Variants in PRKN observed in about 807,000 individuals in gnomAD.
PRKN encodes the protein parkin RBR E3 ubiquitin protein ligase.
In PRKN, 56 loss-of-function variants were observed where a neutral mutation model predicts 59.5. The ratio of observed to expected loss-of-function variants is 0.94; its 90% confidence interval spans 0.76 to 1.18. PRKN has a LOEUF of 1.18. PRKN is among the 50% of genes most tolerant of loss of function. PRKN has a pLI of 0.00. For missense variants in PRKN, 657 were observed against 596.4 expected (o/e 1.10, Z -1.06); for synonymous variants, 250 against 222.1 (o/e 1.13, Z -1.12).
At chr6:162,411,855 T>C (rs1052653551) in intron 2 of PRKN, among the ~76,000 whole-genome samples, 3 of 152,154 alleles carry the variant, frequency 2.0e-5, no homozygotes, top group Non-Finnish European at 4.4e-5. Context: ...TTTAAATTAC[T>C]TTAAAAACAC....
intron 7 of PRKN, among the ~76,000 whole-genome samples, chr6:161,670,959 C>T (rs924022848): frequency 9.2e-5 from 14 of 152,132 alleles, no homozygotes; most frequent in African/African-American, 3.4e-4. Context: ...TGGGGATTAG[C>T]ACTTCAACAT....
chr6:161,374,588 C>T (rs374180889), intron 10 of PRKN, among the ~76,000 whole-genome samples: 4 of 1,588 alleles, frequency 2.5e-3, no homozygotes, highest in Admixed American at 7.2e-3. Context: ...GTGTGTGGTG[C>T]ATGTGTGTGG....
intron 2 of PRKN, among the ~76,000 whole-genome samples, chr6:162,313,487 AT>A (rs776656558): frequency 1.3e-5 from 2 of 151,380 alleles, no homozygotes; most frequent in African/African-American, 2.4e-5. Context: ...TACTGTATCA[AT>A]TTTTTTTTAT....
intron 8 of PRKN, among the ~76,000 whole-genome samples, chr6:161,559,111 A>C (rs368838008): frequency 3.3e-5 from 5 of 150,186 alleles, no homozygotes; most frequent in African/African-American, 9.7e-5. Flanking sequence ...CCGGAAGCAC[A>C]GTTTAAGAAG....
At chr6:162,297,939 A>C (rs763515716) in intron 2 of PRKN, among the ~76,000 whole-genome samples, 1 of 152,110 alleles carries the variant, frequency 6.6e-6, no homozygotes, top group African/African-American at 2.4e-5. Flanking sequence ...CAACAAGCAA[A>C]ATATGTGAAA....
intron 1 of PRKN, among the ~76,000 whole-genome samples, chr6:162,558,783 C>T (rs1230515609): frequency 1.3e-5 from 2 of 151,958 alleles, no homozygotes; most frequent in Non-Finnish European, 2.9e-5. Flanking sequence ...GGATGTGCCA[C>T]AGGTATGTGC....
At chr6:161,495,033 G>T (rs1777694907) in intron 9 of PRKN, among the ~76,000 whole-genome samples, 1 of 152,018 alleles carries the variant, frequency 6.6e-6, no homozygotes, top group South Asian at 2.1e-4. Context: ...ATCCACTTTA[G>T]GAAAGCAAAA....
At chr6:161,629,619 G>A (rs1211120955) in intron 7 of PRKN, among the ~76,000 whole-genome samples, 1 of 152,038 alleles carries the variant, frequency 6.6e-6, no homozygotes. Flanking sequence ...CCCTTCCCAG[G>A]CTGGCCCTGA....
At chr6:161,600,407 G>A (rs1450226119) in intron 7 of PRKN, among the ~76,000 whole-genome samples, 1 of 152,004 alleles carries the variant, frequency 6.6e-6, no homozygotes, top group Non-Finnish European at 1.5e-5. Context: ...TGATTCTGAT[G>A]GTAATTTTTT....
chr6:162,711,753 A>T (rs927367165), intron 1 of PRKN, among the ~76,000 whole-genome samples: 1 of 152,216 alleles, frequency 6.6e-6, no homozygotes, highest in African/African-American at 2.4e-5. Context: ...TATGGGGGAA[A>T]GTAGGCCACA....
intron 6 of PRKN, among the ~76,000 whole-genome samples, chr6:161,872,555 C>T (rs975965439): frequency 1.2e-4 from 19 of 152,272 alleles, no homozygotes; most frequent in African/African-American, 4.6e-4. Flanking sequence ...AACCCTGGCG[C>T]TTTGCCTCCT....
intron 1 of PRKN, among the ~76,000 whole-genome samples, chr6:162,605,821 G>A (rs1378039070): frequency 6.6e-6 from 1 of 152,114 alleles, no homozygotes; most frequent in Admixed American, 6.6e-5. Flanking sequence ...CAAATTTTAA[G>A]TTCCTTAAGC....
intron 8 of PRKN, among the ~76,000 whole-genome samples, chr6:161,557,681 AT>A (rs1780289240): frequency 6.6e-6 from 1 of 152,210 alleles, no homozygotes; most frequent in African/African-American, 2.4e-5. Flanking sequence ...AAAGAATCTA[AT>A]TTTAAAAACT....
chr6:162,648,861 G>A (rs187257780), intron 1 of PRKN, among the ~76,000 whole-genome samples: 119 of 152,252 alleles, frequency 7.8e-4, no homozygotes, highest in African/African-American at 2.8e-3. Context: ...GAGGTATTTT[G>A]TAGACATAAT....
intron 7 of PRKN, among the ~76,000 whole-genome samples, chr6:161,598,830 C>T (rs1782010654): frequency 6.6e-6 from 1 of 152,040 alleles, no homozygotes; most frequent in African/African-American, 2.4e-5. Context: ...GAATTTACTC[C>T]CCAAAGAGAT....
intron 6 of PRKN, among the ~76,000 whole-genome samples, chr6:161,880,212 C>T (rs938991699): frequency 6.6e-5 from 10 of 152,108 alleles, no homozygotes; most frequent in African/African-American, 1.9e-4. Flanking sequence ...GAGCAAAAAT[C>T]ATTCACAAAA....
At chr6:162,422,262 T>C (rs1411485634) in intron 2 of PRKN, among the ~76,000 whole-genome samples, 1 of 152,216 alleles carries the variant, frequency 6.6e-6, no homozygotes, top group African/African-American at 2.4e-5. Context: ...TAATATTTCT[T>C]TAATCAAATT....
At chr6:162,467,408 C>G (rs892760796) in intron 1 of PRKN, among the ~76,000 whole-genome samples, 6 of 152,094 alleles carry the variant, frequency 3.9e-5, no homozygotes, top group Admixed American at 3.9e-4. Flanking sequence ...GTGACTGCCC[C>G]CACTCCACCC....
intron 2 of PRKN, among the ~76,000 whole-genome samples, chr6:162,306,027 A>T (rs1782206076): frequency 6.6e-6 from 1 of 152,156 alleles, no homozygotes; most frequent in Admixed American, 6.6e-5. Flanking sequence ...TTAGGACCAA[A>T]TCTTCTATAA....
Sources: gnomAD v4.1 joint callset for allele counts (sites outside exome capture counted in the v4.1 genomes callset) on GRCh38, gnomAD v4.1.1 for gene constraint, MANE v1.5 for transcripts, NCBI Gene and HGNC (gene_info 2026-07-23, HGNC 2026-07-21) for gene names.